Variants in ELAPOR2 observed in about 807,000 individuals in gnomAD.
The protein encoded by ELAPOR2 is endosome-lysosome associated apoptosis and autophagy regulator family member 2.
In ELAPOR2, 89 loss-of-function variants were observed where a neutral mutation model predicts 120.7. That is an observed-to-expected ratio of 0.74 (90% CI 0.62 to 0.88). The LOEUF (loss-of-function observed/expected upper bound fraction) is 0.88. Among genes scored for constraint, ELAPOR2 ranks in the 40% least tolerant of loss-of-function variants. The pLI is 0.00. For synonymous variants in ELAPOR2, 444 were observed against 444.9 expected (o/e 1.00, Z 0.03); for missense variants, 1,134 against 1,251.6 (o/e 0.91, Z 1.42).
intron 1 of ELAPOR2, among the ~76,000 whole-genome samples, chr7:87,031,445 A>G (rs1332754423): frequency 2.0e-5 from 3 of 152,198 alleles, no homozygotes; most frequent in Non-Finnish European, 4.4e-5. Context: ...AGAGACATGC[A>G]TTCATTAATT....
At chr7:87,053,627 C>T (rs2189518) in intron 1 of ELAPOR2, among the ~76,000 whole-genome samples, 2,238 of 152,134 alleles carry the variant, frequency 0.015, 56 homozygotes, top group African/African-American at 0.05. Flanking sequence ...GGGGGCTGTG[C>T]GTGCAAAACA....
At chr7:86,983,827 C>A (rs1390371823) in intron 1 of ELAPOR2, among the ~76,000 whole-genome samples, 1 of 152,186 alleles carries the variant, frequency 6.6e-6, no homozygotes, top group Non-Finnish European at 1.5e-5. Flanking sequence ...ATCAAATTCA[C>A]ACACAACAAT....
At chr7:86,901,508 CTAT>C (rs1412059915) in intron 18 of ELAPOR2, among the ~76,000 whole-genome samples, 4 of 152,144 alleles carry the variant, frequency 2.6e-5, no homozygotes, top group Non-Finnish European at 5.9e-5. Context: ...AATACTGATC[CTAT>C]TATTAACTTT....
At chr7:86,891,960 G>C in intron 20 of ELAPOR2, 71 bp from the exon 21 acceptor site, 28 of 978,904 alleles carry the variant, frequency 2.9e-5, no homozygotes, top group Non-Finnish European at 4.1e-5. Flanking sequence ...CTTATTTTAG[G>C]TGGTAATATA....
chr7:86,893,092 C>G lies in ELAPOR2; in HGVS notation c.2694G>C (p.Leu898Phe). 1 of 1,530,882 alleles carries G rather than the reference C, an allele frequency of 6.5e-7. No homozygotes were observed. The highest frequency in any genetic ancestry group is 8.7e-7 in the Non-Finnish European group (1 of 1,150,294). The allele number at this position is 1,530,882 out of a possible 1,614,324, so 94.8% of individuals were successfully genotyped here. ...ACCATTTAGGTTCATTCCACACATA[C>G]AAGGTTTCCTTTAAAAAAAAAAACA... The part of the protein sequence containing the change: ...GACKRGFQET[L>F]YVWNEPKWCI... Residue 898 changes from leucine to phenylalanine, a missense_variant, in exon 20 of 22, where the codon TTG (leucine) becomes TTC (phenylalanine). Physicochemically the swap from Leu to Phe is conservative, Grantham distance 22. Transcript: ENST00000450689.
At chr7:86,927,108 T>C (rs1290480996) in intron 8 of ELAPOR2, among the ~76,000 whole-genome samples, 192 bp from the exon 9 acceptor site, 3 of 151,888 alleles carry the variant, frequency 2.0e-5, no homozygotes, top group African/African-American at 7.2e-5. Context: ...TACTTCCAAA[T>C]GCTTTTACCC....
chr7:87,042,102 T>A (rs1469759940), intron 1 of ELAPOR2, among the ~76,000 whole-genome samples: 1 of 149,208 alleles, frequency 6.7e-6, no homozygotes, highest in African/African-American at 2.5e-5. Context: ...AGCACCAAGA[T>A]TCATAAAGCA....
intron 1 of ELAPOR2, among the ~76,000 whole-genome samples, chr7:87,029,699 T>C (rs1156454654): frequency 1.3e-5 from 2 of 152,184 alleles, no homozygotes; most frequent in East Asian, 3.8e-4. Flanking sequence ...TTGTTCAAAT[T>C]ATTCAAATGG....
At chr7:87,042,523 C>G (rs1244672718) in intron 1 of ELAPOR2, among the ~76,000 whole-genome samples, 1 of 151,600 alleles carries the variant, frequency 6.6e-6, no homozygotes, top group Non-Finnish European at 1.5e-5. Context: ...GGGTACATAA[C>G]GAAATGAAGG....
intron 18 of ELAPOR2, among the ~76,000 whole-genome samples, chr7:86,898,559 CAAAAAAA>C (rs11418158): frequency 6.0e-5 from 4 of 66,600 alleles, no homozygotes; most frequent in African/African-American, 1.6e-4. Flanking sequence ...ACACAATGAC[CAAAAAAA>C]AAAAAAAAAA....
At chr7:87,042,852 A>C (rs1023091539) in intron 1 of ELAPOR2, among the ~76,000 whole-genome samples, 9 of 152,208 alleles carry the variant, frequency 5.9e-5, no homozygotes, top group Non-Finnish European at 1.2e-4. Context: ...AACAAAATTG[A>C]ATGACCACTA....
rs1468357449 is a variant in ELAPOR2 at position 86,912,094 on chromosome 7, T to C, written c.2147A>G (p.Asn716Ser). ...SKGTKYFHFF[N>S]ISLCGHEGKK... Reference sequence around the variant, plus strand: ...CACCTCATGCCCACATAAACTGATATTGAAGAAATGGAAGTATTTTGTTCC... The same window carrying C: ...CACCTCATGCCCACATAAACTGATACTGAAGAAATGGAAGTATTTTGTTCC... The change falls in exon 15 of 22, where the codon AAT becomes AGT. Residue 716 changes from asparagine (N) to serine (S), a missense_variant. This residue lies in a region of ELAPOR2 where 831 missense variants were observed against 867.6 expected (regional missense o/e 0.96). Coordinates refer to ENST00000450689, the MANE Select transcript of ELAPOR2 (RefSeq NM_001142749.3). 3.1e-6 allele frequency: 5 copies of C among 1,610,070 alleles called. No homozygotes were observed. The highest frequency in any genetic ancestry group is 4.2e-6 in the Non-Finnish European group (5 of 1,176,766).
Position 86,925,936 on chromosome 7 carries a change from G to C in ELAPOR2, c.1271-280C>G, listed in dbSNP as rs528439458. Among the ~76,000 whole-genome samples the C allele has an allele frequency of 2.6e-5, 4 of 152,074 alleles. No individual in the cohort carries two copies. The East Asian group carries it at 7.8e-4, about 30-fold the overall frequency. On this transcript the variant is annotated intron_variant, in intron 9 of 21. Coordinates refer to ENST00000450689, the MANE Select transcript of ELAPOR2 (RefSeq NM_001142749.3). Reference sequence around the variant, plus strand: ...AAAAATAATTTTTTCCTTCACATCTGGGAGTAGCTGCTAATACTTAATTAC... The same window carrying C: ...AAAAATAATTTTTTCCTTCACATCTCGGAGTAGCTGCTAATACTTAATTAC...
intron 18 of ELAPOR2, among the ~76,000 whole-genome samples, chr7:86,904,106 C>A (rs1018328910): frequency 6.6e-6 from 1 of 152,150 alleles, no homozygotes; most frequent in African/African-American, 2.4e-5. Context: ...TACAACCTGG[C>A]GCATCAGTGT....
intron 1 of ELAPOR2, among the ~76,000 whole-genome samples, chr7:86,979,507 C>G (rs1792389158): frequency 6.6e-6 from 1 of 152,112 alleles, no homozygotes; most frequent in Non-Finnish European, 1.5e-5. Flanking sequence ...AATGAGACAC[C>G]AGTCCAGCCC....
At position 87,050,115 on chromosome 7, in the gene ELAPOR2, C is replaced by T. The variant is rs558263562; in HGVS notation, c.189+9210G>A. Among the ~76,000 whole-genome samples, 10 of 152,282 alleles carry T rather than the reference C, an allele frequency of 6.6e-5. No homozygotes were observed. In the East Asian group the frequency reaches 1.9e-3, roughly 29 times the overall value. On this transcript the variant is annotated intron_variant, in intron 1 of 21. Transcript: ENST00000450689. ...GCAAATAAATTACTGTTCATTATAA[C>T]TTACCCAATCTATGGTATTCTGTTA...
intron 15 of ELAPOR2, among the ~76,000 whole-genome samples, chr7:86,911,057 G>A (rs543318130): frequency 1.7e-4 from 26 of 152,172 alleles, no homozygotes; most frequent in Admixed American, 1.4e-3. Flanking sequence ...AAAAAGGAAG[G>A]AAAGAGATAG....
At chr7:86,908,804 G>A (rs1426462649) in intron 16 of ELAPOR2, among the ~76,000 whole-genome samples, 2 of 152,058 alleles carry the variant, frequency 1.3e-5, no homozygotes, top group South Asian at 2.1e-4. Flanking sequence ...TGAATCTAAT[G>A]CAAGCAGTAA....
chr7:86,910,068 GC>G, intron 15 of ELAPOR2, 67 bp from the exon 16 acceptor site: 1 of 1,264,666 alleles, frequency 7.9e-7, no homozygotes, highest in African/African-American at 1.5e-5. Context: ...ATCTTGACTA[GC>G]TAGTGACCCT....
Sources: gnomAD v4.1 joint callset for allele counts (sites outside exome capture counted in the v4.1 genomes callset) on GRCh38, gnomAD v4.1.1 for gene constraint, gnomAD v4.1.1 regional missense constraint, MANE v1.5 for transcripts, NCBI Gene and HGNC (gene_info 2026-07-23, HGNC 2026-07-21) for gene names.